The following PPP1R21 variants were observed in gnomAD, a reference collection of about 807,000 sequenced individuals.
PPP1R21 encodes protein phosphatase 1 regulatory subunit 21.
A neutral mutation model predicts 112.8 loss-of-function variants in PPP1R21; 85 were observed. That is an observed-to-expected ratio of 0.75 (90% CI 0.63 to 0.90). The LOEUF is 0.90. PPP1R21 is among the 40% of genes least tolerant of loss of function. PPP1R21 has a pLI of 0.00. For synonymous variants in PPP1R21, 381 were observed against 322.3 expected (o/e 1.18, Z -1.95); for missense variants, 1,199 against 901.5 (o/e 1.33, Z -4.23).
At chr2:48,500,382 T>A (rs984911188) in intron 17 of PPP1R21, among the ~76,000 whole-genome samples, 1 of 151,668 alleles carries the variant, frequency 6.6e-6, no homozygotes, top group African/African-American at 2.4e-5. Flanking sequence ...GATATACAGA[T>A]GTTTACTATA....
chr2:48,491,103 C>G lies in PPP1R21; in HGVS notation c.1532C>G (p.Pro511Arg). The G allele has an allele frequency of 1.2e-6, 2 of 1,614,110 alleles. No individual in the cohort carries two copies. Among genetic ancestry groups the G allele is most frequent in the Non-Finnish European group, 1.7e-6 (2 of 1,180,012 alleles). Reference protein sequence around the residue: ...GPKAASGFISPLSAECMLQYK... With the variant: ...GPKAASGFISRLSAECMLQYK... ...AAGGCAGCGAGTGGATTCATTAGTC[C>G]TCTTTCAGCTGAATGCATGCTACAG... The change falls in exon 15 of 22, where the codon CCT becomes CGT. Residue 511 changes from proline (P) to arginine (R), a missense_variant. Coordinates refer to ENST00000294952, the MANE Select transcript of PPP1R21 (RefSeq NM_001135629.3).
chr2:48,480,235 G>A (rs939617158), intron 13 of PPP1R21, among the ~76,000 whole-genome samples: 3 of 152,180 alleles, frequency 2.0e-5, no homozygotes, highest in Non-Finnish European at 4.4e-5. Context: ...CTTGTGTACA[G>A]TCCTTGTGTA....
At chr2:48,490,038 C>G (rs1359176104) in intron 14 of PPP1R21, among the ~76,000 whole-genome samples, 1 of 151,938 alleles carries the variant, frequency 6.6e-6, no homozygotes, top group South Asian at 2.1e-4. Flanking sequence ...GAGCAAGACT[C>G]TGTTTCAAAC....
chr2:48,445,435 T>G (rs893194390), intron 1 of PPP1R21, among the ~76,000 whole-genome samples: 7 of 152,212 alleles, frequency 4.6e-5, no homozygotes, highest in African/African-American at 1.7e-4. Flanking sequence ...GCTTAGACCC[T>G]GGGTCTTTGC....
chr2:48,498,113 GT>G (rs900193933), intron 16 of PPP1R21, among the ~76,000 whole-genome samples: 2 of 150,524 alleles, frequency 1.3e-5, no homozygotes, highest in Non-Finnish European at 3.0e-5. Flanking sequence ...TTTTTGTTGG[GT>G]TTTTTTTTCT....
chr2:48,491,693 C>T lies in PPP1R21; in HGVS notation c.1599+523C>T, dbSNP rs1669571740. 2.0e-5 allele frequency among the ~76,000 whole-genome samples: 3 copies of T among 152,026 alleles called. No homozygotes were observed. The South Asian group carries it at 6.2e-4, about 31-fold the overall frequency. ...AAAAATGTTATTATATGTTTGAGTG[C>T]ACATGCACACACATACTATAAAAAG... On this transcript the variant is annotated intron_variant, in intron 15 of 21. Transcript: ENST00000294952.
intron 21 of PPP1R21, among the ~76,000 whole-genome samples, chr2:48,514,173 C>T (rs940190779): frequency 1.3e-5 from 2 of 150,458 alleles, no homozygotes; most frequent in African/African-American, 4.9e-5. Flanking sequence ...GCAAGCTCCG[C>T]CTCCCGGGTT....
intron 7 of PPP1R21, among the ~76,000 whole-genome samples, chr2:48,461,460 A>T (rs1489077290): frequency 6.6e-6 from 1 of 152,188 alleles, no homozygotes; most frequent in East Asian, 1.9e-4. Context: ...GCCCAAATCC[A>T]CATTTTTTGA....
chr2:48,514,383 C>A (rs1386949158), intron 21 of PPP1R21, among the ~76,000 whole-genome samples: 1 of 152,064 alleles, frequency 6.6e-6, no homozygotes, highest in Non-Finnish European at 1.5e-5. Flanking sequence ...TTTTATTCAG[C>A]TTCTTGAAAT....
At chr2:48,443,898 A>G (rs985789425) in intron 1 of PPP1R21, among the ~76,000 whole-genome samples, 1 of 152,236 alleles carries the variant, frequency 6.6e-6, no homozygotes, top group African/African-American at 2.4e-5. Context: ...CTTAATCTGT[A>G]GAAGGAAGCC....
At chr2:48,459,178 AACACAC>A (rs147118323) in intron 4 of PPP1R21, among the ~76,000 whole-genome samples, 1 of 149,812 alleles carries the variant, frequency 6.7e-6, no homozygotes, top group Non-Finnish European at 1.5e-5. Context: ...AATGGTAGGA[AACACAC>A]ACACACACAC....
intron 13 of PPP1R21, among the ~76,000 whole-genome samples, 193 bp downstream of exon 13, chr2:48,480,209 G>A (rs1668950247): frequency 6.6e-6 from 1 of 152,314 alleles, no homozygotes; most frequent in Non-Finnish European, 1.5e-5. Context: ...GGTAAACAAA[G>A]TGCTGAAGAG....
chr2:48,495,841 A>G (rs371111063), intron 16 of PPP1R21, 70 bp downstream of exon 16: 1 of 880,574 alleles, frequency 1.1e-6, no homozygotes, highest in Non-Finnish European at 1.9e-6. Flanking sequence ...GAAAGTTTTT[A>G]AGATACGTAG....
intron 15 of PPP1R21, among the ~76,000 whole-genome samples, chr2:48,491,778 G>A (rs1669576117): frequency 6.6e-6 from 1 of 151,698 alleles, no homozygotes; most frequent in African/African-American, 2.4e-5. Context: ...ATGCATTGAG[G>A]ATATATTTAT....
At chr2:48,499,179 C>T (rs1261973078) in intron 17 of PPP1R21, among the ~76,000 whole-genome samples, 3 of 152,074 alleles carry the variant, frequency 2.0e-5, no homozygotes, top group African/African-American at 7.2e-5. Context: ...CTTAATTATA[C>T]ATCAGTTCAT....
intron 15 of PPP1R21, among the ~76,000 whole-genome samples, chr2:48,495,162 G>C (rs1669770033): frequency 6.6e-6 from 1 of 152,154 alleles, no homozygotes; most frequent in Non-Finnish European, 1.5e-5. Flanking sequence ...ACCAAGGTAA[G>C]TCAGTGACCA....
chr2:48,490,167 T>A (rs1669494978), intron 14 of PPP1R21, among the ~76,000 whole-genome samples: 1 of 136,756 alleles, frequency 7.3e-6, no homozygotes, highest in African/African-American at 2.8e-5. Context: ...GGCAGTGAGC[T>A]GAGATTGTGC....
At chr2:48,511,113 C>T (rs1670617509) in intron 20 of PPP1R21, among the ~76,000 whole-genome samples, 1 of 152,082 alleles carries the variant, frequency 6.6e-6, no homozygotes, top group African/African-American at 2.4e-5. Flanking sequence ...TACCTTTGTA[C>T]AGTGTGTAAT....
At chr2:48,450,150 A>T (rs949229064) in intron 1 of PPP1R21, among the ~76,000 whole-genome samples, 1 of 152,046 alleles carries the variant, frequency 6.6e-6, no homozygotes, top group Non-Finnish European at 1.5e-5. Flanking sequence ...GGCATCTCTC[A>T]CCTCTCCAGC....
Sources: gnomAD v4.1 joint callset for allele counts (sites outside exome capture counted in the v4.1 genomes callset) on GRCh38, gnomAD v4.1.1 for gene constraint, MANE v1.5 for transcripts, NCBI Gene and HGNC (gene_info 2026-07-23, HGNC 2026-07-21) for gene names.